RBFOX1: variants seen among roughly 807,000 people sequenced by gnomAD.
The protein encoded by RBFOX1 is RNA binding protein fox-1 homolog 1.
RBFOX1 carries 8 observed loss-of-function variants against 57.7 expected under a neutral mutation model. The observed-to-expected ratio is 0.14, with a 90% confidence interval of 0.08 to 0.25. RBFOX1 has a LOEUF of 0.25. Among genes scored for constraint, RBFOX1 ranks in the 10% least tolerant of loss-of-function variants. RBFOX1 has a pLI of 1.00. For synonymous variants in RBFOX1, 326 were observed against 222.4 expected (o/e 1.47, Z -4.15); for missense variants, 611 against 548.5 (o/e 1.11, Z -1.14).
chr16:6,286,014 G>C (rs564326786), intron 1 of RBFOX1, among the ~76,000 whole-genome samples: 25 of 152,184 alleles, frequency 1.6e-4, no homozygotes, highest in Non-Finnish European at 2.6e-4. Context: ...CAAACATTAA[G>C]GCAGGTGACG....
At chr16:5,984,976 A>ATTTTTTTTTT (rs869160414) in intron 4 of RBFOX1, among the ~76,000 whole-genome samples, 1 of 55,714 alleles carries the variant, frequency 1.8e-5, no homozygotes, top group Admixed American at 2.5e-4. Context: ...ATATATATAT[A>ATTTTTTTTTT]TTTTTTTTTT....
chr16:5,967,574 C>G (rs774227061), intron 4 of RBFOX1, among the ~76,000 whole-genome samples: 15 of 152,140 alleles, frequency 9.9e-5, no homozygotes, highest in Non-Finnish European at 1.9e-4. Flanking sequence ...GAAAAACACA[C>G]ACAATTTTAA....
At chr16:7,471,252 G>A (rs1192719944) in intron 4 of RBFOX1, among the ~76,000 whole-genome samples, 1 of 152,178 alleles carries the variant, frequency 6.6e-6, no homozygotes, top group Non-Finnish European at 1.5e-5. Context: ...GTTCCTCACT[G>A]AGGGGGACAT....
intron 2 of RBFOX1, among the ~76,000 whole-genome samples, chr16:6,622,530 T>G (rs1346143367): frequency 1.3e-5 from 2 of 152,198 alleles, no homozygotes; most frequent in Admixed American, 1.3e-4. Context: ...CACCGTGTGA[T>G]GTTGTCACAA....
chr16:5,478,722 A>T (rs2069417371), intron 2 of RBFOX1, among the ~76,000 whole-genome samples: 1 of 152,160 alleles, frequency 6.6e-6, no homozygotes. Context: ...TGTAAACCCC[A>T]GCACGAGGCA....
At chr16:5,512,301 G>A (rs371450749) in intron 2 of RBFOX1, among the ~76,000 whole-genome samples, 30 of 152,244 alleles carry the variant, frequency 2.0e-4, no homozygotes, top group Non-Finnish European at 3.1e-4. Context: ...ATCAAATAGC[G>A]GAAGACCAGC....
At chr16:7,379,780 T>TCCTGCCTG (rs919533506) in intron 4 of RBFOX1, among the ~76,000 whole-genome samples, 1 of 150,618 alleles carries the variant, frequency 6.6e-6, no homozygotes, top group African/African-American at 2.4e-5. Context: ...CTGCCTTCCG[T>TCCTGCCTG]CCTGCCTGCC....
intron 4 of RBFOX1, among the ~76,000 whole-genome samples, chr16:7,486,432 C>T (rs1039550651): frequency 2.6e-5 from 4 of 151,952 alleles, no homozygotes; most frequent in Non-Finnish European, 4.4e-5. Flanking sequence ...CCATGGTACC[C>T]GGCCTTGTGT....
intron 1 of RBFOX1, among the ~76,000 whole-genome samples, chr16:5,327,109 A>G (rs2064598389): frequency 6.6e-6 from 1 of 151,818 alleles, no homozygotes; most frequent in Admixed American, 6.5e-5. Flanking sequence ...CTGAATACTT[A>G]TTATTTATGG....
chr16:6,807,891 T>G (rs1292401620), intron 3 of RBFOX1, among the ~76,000 whole-genome samples: 1 of 116,806 alleles, frequency 8.6e-6, no homozygotes, highest in Non-Finnish European at 1.9e-5. Flanking sequence ...GTTGAATATA[T>G]ATTATTGTGT....
At chr16:5,584,719 A>G (rs1394471972) in intron 2 of RBFOX1, among the ~76,000 whole-genome samples, 1 of 152,152 alleles carries the variant, frequency 6.6e-6, no homozygotes, top group Non-Finnish European at 1.5e-5. Context: ...CACTCACTTT[A>G]GATGGAAGTT....
intron 4 of RBFOX1, among the ~76,000 whole-genome samples, chr16:7,453,024 G>A (rs1490448831): frequency 1.3e-5 from 2 of 151,902 alleles, no homozygotes; most frequent in African/African-American, 4.8e-5. Context: ...AGCTACTAGG[G>A]GGGCTGAGGC....
chr16:6,881,160 C>T (rs116921935), intron 3 of RBFOX1, among the ~76,000 whole-genome samples: 1,835 of 152,236 alleles, frequency 0.012, 22 homozygotes, highest in Non-Finnish European at 0.02. Flanking sequence ...TCAGAGCTGG[C>T]ACACAAAATG....
intron 9 of RBFOX1, among the ~76,000 whole-genome samples, chr16:7,599,843 C>T (rs910626566): frequency 6.6e-6 from 1 of 151,386 alleles, no homozygotes. Flanking sequence ...CACCAAGTTG[C>T]CCAGGCTGGT....
At chr16:6,151,285 T>C (rs573015296) in intron 1 of RBFOX1, among the ~76,000 whole-genome samples, 1 of 152,248 alleles carries the variant, frequency 6.6e-6, no homozygotes, top group South Asian at 2.1e-4. Flanking sequence ...GCATAATTAG[T>C]TGTTTTTTTT....
chr16:7,231,443 G>A (rs891474217), intron 4 of RBFOX1, among the ~76,000 whole-genome samples: 1 of 152,154 alleles, frequency 6.6e-6, no homozygotes, highest in African/African-American at 2.4e-5. Flanking sequence ...AGTTTAATCA[G>A]CTCATTTATC....
intron 3 of RBFOX1, among the ~76,000 whole-genome samples, chr16:5,825,758 T>C (rs538887186): frequency 2.0e-5 from 3 of 147,822 alleles, no homozygotes; most frequent in Admixed American, 2.0e-4. Context: ...TTAATATGAA[T>C]AAGGAATAAT....
chr16:7,531,677 A>G (rs1304770423), intron 5 of RBFOX1, among the ~76,000 whole-genome samples: 1 of 152,234 alleles, frequency 6.6e-6, no homozygotes, highest in East Asian at 1.9e-4. Context: ...GAACTGAGGC[A>G]CAGGTATGAA....
At chr16:5,726,821 C>G (rs1202013438) in intron 3 of RBFOX1, among the ~76,000 whole-genome samples, 2 of 152,130 alleles carry the variant, frequency 1.3e-5, no homozygotes, top group Non-Finnish European at 2.9e-5. Context: ...CACATTGAAT[C>G]TTCTCCTGTC....
Sources: gnomAD v4.1 joint callset for allele counts (sites outside exome capture counted in the v4.1 genomes callset) on GRCh38, gnomAD v4.1.1 for gene constraint, MANE v1.5 for transcripts, NCBI Gene and HGNC (gene_info 2026-07-23, HGNC 2026-07-21) for gene names.